Variants in SLC13A3 observed in about 807,000 individuals in gnomAD.
SLC13A3 encodes Na(+)/dicarboxylate cotransporter 3.
A neutral mutation model predicts 59.0 loss-of-function variants in SLC13A3; 40 were observed. The ratio of observed to expected loss-of-function variants is 0.68; its 90% CI spans 0.53 to 0.88. The LOEUF (loss-of-function observed/expected upper bound fraction) is 0.88. Among genes scored for constraint, SLC13A3 ranks in the 40% least tolerant of loss-of-function variants. The probability of loss-of-function intolerance (pLI) is 0.00; values close to 1 mark genes in which losing one functional copy is unlikely to be tolerated. For synonymous variants in SLC13A3, 317 were observed against 330.3 expected (o/e 0.96, Z 0.44); for missense variants, 699 against 783.2 (o/e 0.89, Z 1.28).
At chr20:46,565,688 C>T (rs568676769) in intron 11 of SLC13A3, among the ~76,000 whole-genome samples, 10 of 152,242 alleles carry the variant, frequency 6.6e-5, no homozygotes, top group African/African-American at 2.2e-4. Context: ...GTTCCCCTGA[C>T]GGGGATATTT....
At chr20:46,671,406 C>T (rs180716575), upstream of SLC13A3, among the ~76,000 whole-genome samples, 2 of 152,182 alleles carry the variant, frequency 1.3e-5, no homozygotes, top group East Asian at 3.9e-4. Context: ...ATCCCAAAGG[C>T]ATGTCCTAAT....
At chr20:46,677,960 T>C (rs998281045) in intron 1 of SLC13A3, among the ~76,000 whole-genome samples, 2 of 152,254 alleles carry the variant, frequency 1.3e-5, no homozygotes, top group Non-Finnish European at 2.9e-5. Context: ...TCCATATGTA[T>C]GTTTGAAATT....
chr20:46,599,959 C>G lies in SLC13A3; in HGVS notation c.608+12G>C, dbSNP rs1282428931. ...AGCACTGGGTCCTCTATGAATTTCACCAGTAACTTACGCTTCTGTGCTGGC... is the reference window on the plus strand; with the variant it reads ...AGCACTGGGTCCTCTATGAATTTCAGCAGTAACTTACGCTTCTGTGCTGGC... On this transcript the variant is annotated intron_variant, in intron 4 of 12. Transcript: ENST00000279027. The G allele has an allele frequency of 6.4e-7, 1 of 1,558,342 alleles. No individual in the cohort carries two copies. The highest frequency in any genetic ancestry group is 8.8e-7 in the Non-Finnish European group (1 of 1,141,186).
intron 8 of SLC13A3, 196 bp from the exon 9 acceptor site, chr20:46,583,865 G>A: frequency 1.0e-6 from 1 of 985,384 alleles, no homozygotes; most frequent in Non-Finnish European, 1.2e-6. Flanking sequence ...CTCCCTGGGG[G>A]CATTTAGATG....
chr20:46,589,126 C>T, intron 7 of SLC13A3, 34 bp downstream of exon 7: 1 of 1,584,178 alleles, frequency 6.3e-7, no homozygotes, highest in Non-Finnish European at 8.7e-7. Context: ...GTTTAATACT[C>T]AGCTCTTTCC....
intron 10 of SLC13A3, among the ~76,000 whole-genome samples, chr20:46,573,573 C>T (rs1166344803): frequency 2.6e-5 from 4 of 152,216 alleles, no homozygotes; most frequent in African/African-American, 9.7e-5. Context: ...CTGTAGAAAC[C>T]ATGACATGAG....
intron 3 of SLC13A3, among the ~76,000 whole-genome samples, chr20:46,600,423 AAAGG>A (rs146953211): frequency 0.034 from 4,368 of 130,028 alleles, 176 homozygotes; most frequent in African/African-American, 0.095. Context: ...GGAAGGAAGG[AAAGG>A]AAGGAAGGAA....
chr20:46,644,120 C>A (rs1439008994), intron 1 of SLC13A3, among the ~76,000 whole-genome samples: 1 of 152,176 alleles, frequency 6.6e-6, no homozygotes, highest in Non-Finnish European at 1.5e-5. Context: ...GATGGAAGTG[C>A]TCATCTCCGC....
chr20:46,644,320 C>G (rs2062873633), intron 1 of SLC13A3, among the ~76,000 whole-genome samples: 1 of 152,156 alleles, frequency 6.6e-6, no homozygotes, highest in African/African-American at 2.4e-5. Context: ...CCCATTTCCT[C>G]CCCACAGCAG....
At chr20:46,650,696 G>A (rs1325711463) in intron 1 of SLC13A3, among the ~76,000 whole-genome samples, 1 of 152,166 alleles carries the variant, frequency 6.6e-6, no homozygotes, top group Non-Finnish European at 1.5e-5. Context: ...ACACAGCTTG[G>A]CACCCAGTAA....
intron 1 of SLC13A3, among the ~76,000 whole-genome samples, chr20:46,665,742 C>T (rs1404818548): frequency 6.6e-6 from 1 of 152,168 alleles, no homozygotes; most frequent in Non-Finnish European, 1.5e-5. Flanking sequence ...TTATATTTCT[C>T]TTAGGTACAT....
Position 46,563,566 on chromosome 20 carries a change from G to T in SLC13A3, c.1495-15C>A. 6.2e-7 allele frequency: 1 copy of T among 1,611,928 alleles called. No homozygotes were observed. Among genetic ancestry groups the T allele is most frequent in the Non-Finnish European group, 8.5e-7 (1 of 1,179,086 alleles). Reference sequence around the variant, plus strand: ...AGGCGGATGGCCTGGGCCAGGAAAAGGTGGGAGAGACCCGGAGAGAGACCA... The same window carrying T: ...AGGCGGATGGCCTGGGCCAGGAAAATGTGGGAGAGACCCGGAGAGAGACCA... On this transcript the variant is annotated splice_polypyrimidine_tract_variant and intron_variant, in intron 11 of 12. Transcript: ENST00000279027.
chr20:46,654,454 T>C (rs758091065), upstream of SLC13A3, among the ~76,000 whole-genome samples: 75 of 152,356 alleles, frequency 4.9e-4, no homozygotes, highest in South Asian at 1.7e-3. Flanking sequence ...CAGTTTAAAA[T>C]ACTTCTTTCA....
At chr20:46,670,995 T>G (rs537608749), upstream of SLC13A3, among the ~76,000 whole-genome samples, 1 of 152,108 alleles carries the variant, frequency 6.6e-6, no homozygotes, top group Non-Finnish European at 1.5e-5. Context: ...TAAAGTTATG[T>G]TGGGGACATG....
At chr20:46,618,221 C>T (rs777933209) in intron 1 of SLC13A3, among the ~76,000 whole-genome samples, 5 of 152,208 alleles carry the variant, frequency 3.3e-5, no homozygotes, top group Non-Finnish European at 7.3e-5. Context: ...GTAGTCCACC[C>T]CTCTACTAGG....
intron 1 of SLC13A3, among the ~76,000 whole-genome samples, chr20:46,626,844 G>A (rs569752051): frequency 2.0e-5 from 3 of 152,212 alleles, no homozygotes; most frequent in South Asian, 2.1e-4. Flanking sequence ...CTTTTCCCCC[G>A]TCCAGGTCTT....
At chr20:46,563,927 C>T (rs1017241417) in intron 11 of SLC13A3, among the ~76,000 whole-genome samples, 1 of 152,136 alleles carries the variant, frequency 6.6e-6, no homozygotes, top group Non-Finnish European at 1.5e-5. Flanking sequence ...ACTCCTTCTC[C>T]AATGTGAGAG....
chr20:46,649,980 C>T (rs1317212838), intron 1 of SLC13A3, among the ~76,000 whole-genome samples: 1 of 152,108 alleles, frequency 6.6e-6, no homozygotes, highest in Non-Finnish European at 1.5e-5. Context: ...GGTAATGCAC[C>T]ACTAAATTAT....
intron 1 of SLC13A3, among the ~76,000 whole-genome samples, chr20:46,620,568 T>C (rs749089725): frequency 3.9e-5 from 6 of 152,106 alleles, no homozygotes; most frequent in Non-Finnish European, 4.4e-5. Flanking sequence ...ATGGGGACAA[T>C]GCTACAAAGA....
Sources: gnomAD v4.1 joint callset for allele counts (sites outside exome capture counted in the v4.1 genomes callset) on GRCh38, gnomAD v4.1.1 for gene constraint, MANE v1.5 for transcripts, NCBI Gene and HGNC (gene_info 2026-07-23, HGNC 2026-07-21) for gene names.